The following ATRNL1 variants were observed in gnomAD, a reference collection of about 807,000 sequenced individuals.
ATRNL1 encodes attractin-like protein 1.
A neutral mutation model predicts 182.7 loss-of-function variants in ATRNL1; 95 were observed. The observed-to-expected ratio is 0.52, with a 90% CI of 0.44 to 0.62. ATRNL1 has a LOEUF of 0.62. Among genes scored for constraint, ATRNL1 ranks in the 20% least tolerant of loss-of-function variants. The pLI, the probability that ATRNL1 is intolerant of heterozygous loss-of-function variation, is 0.00. For synonymous variants in ATRNL1, 576 were observed against 568.3 expected (o/e 1.01, Z -0.19); for missense variants, 1,471 against 1,679.5 (o/e 0.88, Z 2.17).
chr10:115,896,387 AT>A (rs79211100), intron 28 of ATRNL1, among the ~76,000 whole-genome samples: 24,680 of 152,150 alleles, frequency 0.16, 2,515 homozygotes, highest in Non-Finnish European at 0.23. Context: ...AAAAAACTGA[AT>A]TTTTTCCGAA....
rs1554962871 is a variant in ATRNL1, at chr10:115,426,256, C to T, written c.3276C>T (p.Asp1092=). The T allele has an allele frequency of 6.2e-7, 1 of 1,612,026 alleles. No homozygotes were observed. Among genetic ancestry groups the T allele is most frequent in the African/African-American group, 1.3e-5 (1 of 74,846 alleles). Residue 1092 remains aspartate (D), a synonymous_variant, in exon 21 of 29, where the codon GAC becomes GAT. Transcript: ENST00000355044. The stretch of plus-strand genomic sequence containing the variant: ...AGTTTTTGTGTTTCTGCAGATGTGA[C>T]TCTGAAAATCGCTATGTTGGTAATC... ...GIKGDQCQLC[D]SENRYVGNPL...
chr10:115,093,745 G>T lies in ATRNL1; in HGVS notation c.-6G>T. ...GCAGTCTCGCCGGGCAGGGGCGCCGGGGAAGATGGAGACTGGGGGCCGGGC... is the reference window on the plus strand; with the variant it reads ...GCAGTCTCGCCGGGCAGGGGCGCCGTGGAAGATGGAGACTGGGGGCCGGGC... On this transcript the variant is annotated 5_prime_UTR_variant, in exon 1 of 29. Transcript: ENST00000355044. This position sits in a 1 kb window ranked among gnomAD's most constrained non-coding sequence, Gnocchi z 6.1. 7.1e-7 allele frequency: 1 copy of T among 1,414,592 alleles called. No individual in the cohort carries two copies. 87.6% of individuals were successfully genotyped at this position (1,414,592 alleles called of 1,614,324 possible).
intron 10 of ATRNL1, among the ~76,000 whole-genome samples, chr10:115,264,741 G>T (rs1851535979): frequency 6.6e-6 from 1 of 151,434 alleles, no homozygotes; most frequent in African/African-American, 2.4e-5. Context: ...GTTTTATCCT[G>T]ATGATTATAT....
intron 11 of ATRNL1, among the ~76,000 whole-genome samples, chr10:115,265,564 T>C (rs1851575050): frequency 6.6e-6 from 1 of 151,640 alleles, no homozygotes; most frequent in African/African-American, 2.4e-5. Context: ...AGAGATCAGA[T>C]AAGGAATGAC....
chr10:115,934,754 T>C (rs1385837591), intron 28 of ATRNL1, among the ~76,000 whole-genome samples: 5 of 152,194 alleles, frequency 3.3e-5, no homozygotes, highest in Middle Eastern at 3.2e-3. Context: ...GCCTCTCTAC[T>C]CCTTAAAATC....
intron 28 of ATRNL1, among the ~76,000 whole-genome samples, chr10:115,884,188 C>G (rs1293963308): frequency 1.3e-5 from 2 of 152,160 alleles, no homozygotes; most frequent in Non-Finnish European, 2.9e-5. Context: ...CCTCATTTCT[C>G]TTTATATCTG....
chr10:115,561,493 A>G (rs1853704756), intron 26 of ATRNL1, among the ~76,000 whole-genome samples: 1 of 152,210 alleles, frequency 6.6e-6, no homozygotes, highest in Non-Finnish European at 1.5e-5. Context: ...TATTTACATA[A>G]CATTTGCATT....
At chr10:115,402,884 G>T (rs1052036647) in intron 20 of ATRNL1, among the ~76,000 whole-genome samples, 1 of 152,058 alleles carries the variant, frequency 6.6e-6, no homozygotes, top group Non-Finnish European at 1.5e-5. Context: ...CTGGGATATG[G>T]TGACTAAACT....
At chr10:115,806,800 GATGCAA>G (rs1949929286) in intron 27 of ATRNL1, among the ~76,000 whole-genome samples, 1 of 152,060 alleles carries the variant, frequency 6.6e-6, no homozygotes, top group Admixed American at 6.6e-5. Context: ...TTATGTTTAA[GATGCAA>G]ATTATAATAA....
chr10:115,273,938 A>T (rs942368204), intron 13 of ATRNL1, among the ~76,000 whole-genome samples: 1 of 152,186 alleles, frequency 6.6e-6, no homozygotes, highest in East Asian at 1.9e-4. Flanking sequence ...GGTGGGTCAG[A>T]TAACACCCAG....
At chr10:115,535,890 C>T (rs549409235) in intron 25 of ATRNL1, among the ~76,000 whole-genome samples, 1 of 151,992 alleles carries the variant, frequency 6.6e-6, no homozygotes, top group Non-Finnish European at 1.5e-5. Context: ...CCCTGTTTGC[C>T]TGGGTATCAG....
Position 115,381,072 on chromosome 10 carries a change from T to C in ATRNL1, c.3176-13587T>C, listed in dbSNP as rs1034065240. Among the ~76,000 whole-genome samples the C allele has an allele frequency of 2.0e-5, 3 of 152,326 alleles. No homozygotes were observed. The South Asian group carries it at 6.2e-4, about 32-fold the overall frequency. The stretch of plus-strand genomic sequence containing the variant: ...TTATCATTATCTGTCTTTTTTGTTA[T>C]AGCCCTCCCAGTATGTGTGAAGTGA... On this transcript the variant is annotated intron_variant, in intron 19 of 28. Transcript: ENST00000355044.
chr10:115,177,714 A>T (rs1441279441), intron 8 of ATRNL1, among the ~76,000 whole-genome samples: 1 of 151,716 alleles, frequency 6.6e-6, no homozygotes, highest in Non-Finnish European at 1.5e-5. Flanking sequence ...ACCTCAAGAG[A>T]TCTGCCTGTT....
chr10:115,498,187 T>A (rs1209868029), intron 24 of ATRNL1, among the ~76,000 whole-genome samples: 1 of 152,140 alleles, frequency 6.6e-6, no homozygotes, highest in Admixed American at 6.6e-5. Context: ...AAAATATATG[T>A]CCGATATTTA....
intron 26 of ATRNL1, among the ~76,000 whole-genome samples, chr10:115,582,193 C>T (rs1164695566): frequency 7.0e-5 from 10 of 143,420 alleles, no homozygotes; most frequent in East Asian, 2.4e-4. Flanking sequence ...TAAATAGTGC[C>T]GCAGTAAACA....
chr10:115,826,393 C>G (rs1555091987), intron 27 of ATRNL1, among the ~76,000 whole-genome samples: 1 of 152,058 alleles, frequency 6.6e-6, no homozygotes. Flanking sequence ...CATTGTTCAG[C>G]AAGCAAGAGG....
intron 24 of ATRNL1, among the ~76,000 whole-genome samples, chr10:115,503,883 C>A (rs924297566): frequency 3.3e-5 from 5 of 151,618 alleles, no homozygotes; most frequent in Non-Finnish European, 5.9e-5. Flanking sequence ...TACCAAAAAA[C>A]CCTTTTTATT....
intron 27 of ATRNL1, among the ~76,000 whole-genome samples, chr10:115,730,281 AAG>A (rs1565326916): frequency 4.4e-5 from 6 of 135,366 alleles, no homozygotes; most frequent in Non-Finnish European, 7.8e-5. Context: ...AAAAAAAAAA[AAG>A]AGAGAGAGAG....
At chr10:115,244,661 A>G (rs1554903663) in intron 10 of ATRNL1, among the ~76,000 whole-genome samples, 1 of 152,192 alleles carries the variant, frequency 6.6e-6, no homozygotes, top group Non-Finnish European at 1.5e-5. Context: ...TTGAGGTCAG[A>G]TTTGAGAATC....
Sources: gnomAD v4.1 joint callset for allele counts (sites outside exome capture counted in the v4.1 genomes callset) on GRCh38, gnomAD v4.1.1 for gene constraint, Gnocchi (gnomAD v3.1) non-coding constraint, MANE v1.5 for transcripts, NCBI Gene and HGNC (gene_info 2026-07-23, HGNC 2026-07-21) for gene names.